DIABLO: variants seen among roughly 807,000 people sequenced by gnomAD.
DIABLO encodes diablo IAP-binding mitochondrial protein.
DIABLO carries 32 observed loss-of-function variants against 31.7 expected under a neutral mutation model. The ratio of observed to expected loss-of-function variants is 1.01; its 90% CI spans 0.76 to 1.35. The LOEUF (loss-of-function observed/expected upper bound fraction) is 1.35. DIABLO is among the 40% of genes most tolerant of loss of function. The probability of loss-of-function intolerance (pLI) is 0.00; values close to 1 mark genes in which losing one functional copy is unlikely to be tolerated. For missense variants in DIABLO, 316 were observed against 286.4 expected, an observed-to-expected ratio of 1.10 and a Z score of -0.75; for synonymous variants, 132 against 103.2, an observed-to-expected ratio of 1.28 and a Z score of -1.69.
At chr12:122,225,838 C>A (rs1398255923) in intron 1 of DIABLO, 127 bp downstream of exon 1, 5 of 1,519,618 alleles carry the variant, frequency 3.3e-6, no homozygotes, top group African/African-American at 1.4e-5. Flanking sequence ...GAGCGAGACG[C>A]CGCGACCCAG....
At position 122,208,164 on chromosome 12, in the gene DIABLO, A is replaced by G. The variant is rs1158932814; in HGVS notation, c.*217T>C. On this transcript the variant is annotated 3_prime_UTR_variant, in exon 6 of 6. Transcript: ENST00000464942. Reference sequence around the variant, plus strand: ...GCTGTACAGAGTGGGGTGAAATGTTAAACAGGGTGCAGTGCCCAAGGGCTA... The same window carrying G: ...GCTGTACAGAGTGGGGTGAAATGTTGAACAGGGTGCAGTGCCCAAGGGCTA... The G allele has an allele frequency of 1.4e-6, 1 of 701,860 alleles. No individual in the cohort carries two copies. The highest frequency in any genetic ancestry group is 2.6e-6 in the Non-Finnish European group (1 of 388,626). The allele number at this position is 701,860 out of a possible 1,614,324, so 43.5% of individuals were successfully genotyped here.
chr12:122,212,890 G>T (rs1262719798), intron 5 of DIABLO, among the ~76,000 whole-genome samples: 8 of 151,782 alleles, frequency 5.3e-5, no homozygotes, highest in Admixed American at 5.2e-4. Flanking sequence ...CTCCTAAAGT[G>T]CTGGGATTAC....
intron 4 of DIABLO, 25 bp downstream of exon 4, chr12:122,216,734 G>T: frequency 1.2e-6 from 2 of 1,606,462 alleles, no homozygotes; most frequent in East Asian, 4.5e-5. Context: ...CACTAACACA[G>T]AAATGCCTAG....
chr12:122,217,226 T>G (rs1464920605), intron 3 of DIABLO: 3 of 302,740 alleles, frequency 9.9e-6, no homozygotes, highest in Non-Finnish European at 1.9e-5. Context: ...TAAAAAATTT[T>G]TATTGGCCGG....
At chr12:122,224,888 C>A in intron 1 of DIABLO, 1 of 1,391,054 alleles carries the variant, frequency 7.2e-7, no homozygotes, top group South Asian at 1.3e-5. Flanking sequence ...GCGGGAGGAT[C>A]ACTTGAGCCC....
At position 122,218,143 on chromosome 12, in the gene DIABLO, A is replaced by G. The variant is rs1464820969; in HGVS notation, c.315+123T>C. The G allele has an allele frequency of 1.6e-5, 19 of 1,219,868 alleles. No homozygotes were observed. The East Asian group carries it at 3.9e-4, about 25-fold the overall frequency. The allele number at this position is 1,219,868 out of a possible 1,614,324, so 75.6% of individuals were successfully genotyped here. ...CCTCAAAAACCGTTATTGACAACAC[A>G]TAAACAAATAGGCCTGGCTATGTTT... is the stretch of plus-strand genomic sequence containing the variant. On this transcript the variant is annotated intron_variant, in intron 3 of 5. Transcript: ENST00000464942.
chr12:122,225,993 G>A lies in DIABLO; in HGVS notation c.22C>T (p.Leu8=), dbSNP rs1459302777. Residue 8 remains leucine, a synonymous_variant, in exon 1 of 6, where the codon CTG becomes TTG. Transcript: ENST00000464942. The part of the protein sequence containing the change: MAALKSW[L]SRSVTSFFRY... ...AAGAATGAAGTTACGCTGCGCGACA[G>A]CCAACTCTTCAGAGCCGCCATTGTG... The A allele has an allele frequency of 5.0e-6, 8 of 1,603,126 alleles. No individual in the cohort carries two copies. Among genetic ancestry groups the A allele is most frequent in the African/African-American group, 1.3e-5 (1 of 74,862 alleles).
At chr12:122,217,112 T>C (rs1184740500) in intron 3 of DIABLO, 3 of 463,496 alleles carry the variant, frequency 6.5e-6, no homozygotes, top group South Asian at 2.2e-5. Context: ...GAGAAAACAA[T>C]GCAAGGGAAA....
At chr12:122,217,109 C>T (rs1954231589) in intron 3 of DIABLO, 1 of 467,610 alleles carries the variant, frequency 2.1e-6, no homozygotes, top group Non-Finnish European at 3.9e-6. Context: ...AAAGAGAAAA[C>T]AATGCAAGGG....
chr12:122,216,784 T>C lies in DIABLO; in HGVS notation c.401A>G (p.Gln134Arg), dbSNP rs770991206. 6.2e-6 allele frequency: 10 copies of C among 1,614,224 alleles called. No homozygotes were observed. The African/African-American group carries it at 9.3e-5, about 15-fold the overall frequency. Residue 134 changes from glutamine to arginine, a missense_variant, in exon 4 of 6, where the codon CAG becomes CGG. By Grantham distance (43) the Gln-to-Arg change is conservative. Coordinates refer to ENST00000464942, the MANE Select transcript of DIABLO (RefSeq NM_001371333.1). ...MNSEEEDEVWQVIIGARAEMT... is the reference protein window; with the variant it reads ...MNSEEEDEVWRVIIGARAEMT... ...CTCAGCTCTGGCTCCTATGATCACC[T>C]GCCACACTTCATCTTCCTCCTCTGA...
At chr12:122,209,163 C>T (rs1376308823) in intron 5 of DIABLO, among the ~76,000 whole-genome samples, 1 of 152,080 alleles carries the variant, frequency 6.6e-6, no homozygotes, top group African/African-American at 2.4e-5. Context: ...AAGTTCGAGA[C>T]CAGCCTGGCT....
At chr12:122,216,895 G>GAGTAA (rs1202733624) in intron 3 of DIABLO, 26 bp from the exon 4 acceptor site, 1 of 1,574,814 alleles carries the variant, frequency 6.3e-7, no homozygotes, top group Non-Finnish European at 8.7e-7. Context: ...GAACAAGTCT[G>GAGTAA]AGTAAAGTAA....
chr12:122,209,888 C>A, intron 5 of DIABLO: 1 of 685,634 alleles, frequency 1.5e-6, no homozygotes, highest in South Asian at 1.5e-5. Context: ...AGTAGGATTA[C>A]TTAACCTTTA....
intron 5 of DIABLO, among the ~76,000 whole-genome samples, chr12:122,211,077 T>TAAAAAAAAA (rs1156571584): frequency 0.017 from 247 of 14,344 alleles, 95 homozygotes; most frequent in Non-Finnish European, 0.024. Context: ...TAGTTAAAAG[T>TAAAAAAAAA]AAAAAAAAAA....
chr12:122,226,265 G>C (rs940671173), upstream of DIABLO: 1 of 699,110 alleles, frequency 1.4e-6, no homozygotes, highest in Non-Finnish European at 2.6e-6. Context: ...AGGGCGCGGA[G>C]GTGGGTCCGG....
intron 5 of DIABLO, among the ~76,000 whole-genome samples, chr12:122,211,878 T>C (rs901645506): frequency 4.6e-5 from 7 of 152,270 alleles, no homozygotes; most frequent in Admixed American, 3.9e-4. Flanking sequence ...CTGATTACTT[T>C]TTATCTTGAA....
chr12:122,214,734 A>C (rs1954167150), intron 5 of DIABLO, among the ~76,000 whole-genome samples: 1 of 151,028 alleles, frequency 6.6e-6, no homozygotes, highest in African/African-American at 2.4e-5. Context: ...TTTTTTCTTG[A>C]GACAGAGTCT....
chr12:122,209,681 A>T, intron 5 of DIABLO: 2 of 674,222 alleles, frequency 3.0e-6, no homozygotes, highest in Admixed American at 2.2e-5. Flanking sequence ...AAAAAAAATG[A>T]GCTCTCTCAT....
At chr12:122,226,556 G>C (rs1228620228), upstream of DIABLO, 2 of 698,100 alleles carry the variant, frequency 2.9e-6, no homozygotes, top group Admixed American at 4.0e-5. Context: ...CGGTGGACGA[G>C]GCCGGCATCG....
Sources: allele counts gnomAD v4.1 joint callset (sites outside exome capture counted in the v4.1 genomes callset), GRCh38; gene constraint gnomAD v4.1.1; transcripts MANE v1.5; gene names NCBI Gene and HGNC (gene_info 2026-07-23, HGNC 2026-07-21).